ACOXL: variants seen among roughly 807,000 people sequenced by gnomAD.
ACOXL encodes the protein acyl-CoA oxidase like.
A neutral mutation model predicts 71.9 loss-of-function variants in ACOXL; 70 were observed. That is an observed-to-expected ratio of 0.97 (90% confidence interval 0.80 to 1.19). The LOEUF (loss-of-function observed/expected upper bound fraction) is 1.19, where lower values mean the gene tolerates loss of function less well. Among genes scored for constraint, ACOXL ranks in the 50% most tolerant of loss-of-function variants. The probability of loss-of-function intolerance (pLI) is 0.00; values close to 1 mark genes in which losing one functional copy is unlikely to be tolerated. For synonymous variants in ACOXL, 253 were observed against 281.6 expected (o/e 0.90, Z 1.02); for missense variants, 703 against 736.3 (o/e 0.95, Z 0.52).
intron 16 of ACOXL, among the ~76,000 whole-genome samples, chr2:111,059,947 G>A (rs1333687934): frequency 6.6e-6 from 1 of 151,830 alleles, no homozygotes; most frequent in Admixed American, 6.6e-5. Context: ...AGGAGGAAGA[G>A]GGGAAGGGGT....
chr2:110,817,241 G>A (rs1408518817), intron 9 of ACOXL, among the ~76,000 whole-genome samples: 3 of 152,222 alleles, frequency 2.0e-5, no homozygotes, highest in African/African-American at 7.2e-5. Context: ...TTCTCATTCA[G>A]TGCTCACAGC....
At chr2:110,916,916 A>G (rs1285218587) in intron 11 of ACOXL, among the ~76,000 whole-genome samples, 1 of 152,222 alleles carries the variant, frequency 6.6e-6, no homozygotes, top group African/African-American at 2.4e-5. Context: ...GCAGTAATTA[A>G]TAGCCTAGCA....
intron 16 of ACOXL, among the ~76,000 whole-genome samples, chr2:111,071,550 AGTG>A (rs2067341963): frequency 6.6e-6 from 1 of 152,248 alleles, no homozygotes; most frequent in South Asian, 2.1e-4. Flanking sequence ...GCAGATCCCA[AGTG>A]GCTAAAGTCT....
intron 16 of ACOXL, among the ~76,000 whole-genome samples, chr2:111,088,438 A>G (rs1299437684): frequency 1.3e-5 from 2 of 152,230 alleles, no homozygotes; most frequent in South Asian, 4.1e-4. Flanking sequence ...TGTGGTATAT[A>G]TACTATGCAG....
chr2:111,026,023 C>A (rs1185214830), intron 14 of ACOXL, among the ~76,000 whole-genome samples: 1 of 151,562 alleles, frequency 6.6e-6, no homozygotes, highest in Non-Finnish European at 1.5e-5. Context: ...AATTGTTTTC[C>A]CCTCATTCAA....
chr2:110,773,244 G>A (rs190876344), intron 2 of ACOXL, among the ~76,000 whole-genome samples: 36 of 152,266 alleles, frequency 2.4e-4, no homozygotes, highest in Middle Eastern at 3.4e-3. Context: ...TGTATTTGGA[G>A]AAATATCAGG....
In ACOXL at chr2:110,800,217, ATTCT is replaced by A. The variant is rs1245059213; in HGVS notation, c.547+1119_547+1122del. Among the ~76,000 whole-genome samples, 3 of 152,210 alleles carry A rather than the reference ATTCT, an allele frequency of 2.0e-5. No homozygotes were observed. In the East Asian group the frequency reaches 5.8e-4, roughly 29 times the overall value. On this transcript the variant is annotated intron_variant, in intron 7 of 17. Transcript: ENST00000439055. ...ACTCACCATGAAGGTCTGTGGCTTC[ATTCT>A]TGAAGTCAGCAAGACCACGAATCCA...
chr2:111,095,448 G>A (rs1209601082), intron 17 of ACOXL, among the ~76,000 whole-genome samples: 2 of 135,414 alleles, frequency 1.5e-5, no homozygotes, highest in Non-Finnish European at 3.0e-5. Flanking sequence ...CTGGAGTGCC[G>A]TGTCATGATC....
At chr2:110,980,619 T>G (rs2062665271) in intron 12 of ACOXL, among the ~76,000 whole-genome samples, 2 of 152,212 alleles carry the variant, frequency 1.3e-5, no homozygotes, top group South Asian at 4.1e-4. Context: ...GTGGCTCATC[T>G]GGCAGCCTGC....
At chr2:110,939,787 A>G (rs183159738) in intron 12 of ACOXL, among the ~76,000 whole-genome samples, 4 of 152,246 alleles carry the variant, frequency 2.6e-5, no homozygotes, top group Non-Finnish European at 5.9e-5. Flanking sequence ...TTTTTTTGCA[A>G]TTTTTAAAAT....
chr2:110,942,488 A>G lies in ACOXL; in HGVS notation c.1059+8846A>G, dbSNP rs978866340. 5.9e-5 allele frequency among the ~76,000 whole-genome samples: 9 copies of G among 152,194 alleles called. No individual in the cohort carries two copies. The East Asian group carries it at 1.7e-3, about 29-fold the overall frequency. Reference sequence around the variant, plus strand: ...GAATAAATAACATCATTTCATAATGACCAGGGGCCTGTTCCTCAGGAGGAT... The same window carrying G: ...GAATAAATAACATCATTTCATAATGGCCAGGGGCCTGTTCCTCAGGAGGAT... On this transcript the variant is annotated intron_variant, in intron 12 of 17. Coordinates refer to ENST00000439055, the MANE Select transcript of ACOXL (RefSeq NM_001142807.4).
chr2:110,823,048 T>C (rs540990135), intron 9 of ACOXL, among the ~76,000 whole-genome samples: 1 of 152,228 alleles, frequency 6.6e-6, no homozygotes, highest in East Asian at 1.9e-4. Context: ...AGGTCAGTAG[T>C]TCGAGACCAG....
intron 12 of ACOXL, chr2:110,967,936 T>C: frequency 1.1e-6 from 1 of 942,628 alleles, no homozygotes; most frequent in Non-Finnish European, 1.7e-6. Flanking sequence ...TGCTCGGAAA[T>C]ACTTGGAGAT....
At chr2:110,894,198 C>G (rs2058908385) in intron 10 of ACOXL, among the ~76,000 whole-genome samples, 1 of 151,980 alleles carries the variant, frequency 6.6e-6, no homozygotes, top group African/African-American at 2.4e-5. Flanking sequence ...ATAAATAGAA[C>G]AGATCTAAGA....
At chr2:110,975,323 T>G (rs1240453208) in intron 12 of ACOXL, among the ~76,000 whole-genome samples, 1 of 152,206 alleles carries the variant, frequency 6.6e-6, no homozygotes, top group African/African-American at 2.4e-5. Context: ...ACAATAAATG[T>G]CTGGGCACAC....
intron 17 of ACOXL, among the ~76,000 whole-genome samples, chr2:111,097,146 T>C (rs1229855686): frequency 6.6e-6 from 1 of 152,210 alleles, no homozygotes; most frequent in African/African-American, 2.4e-5. Flanking sequence ...AAATTTTGGC[T>C]TTATTGTTTT....
intron 13 of ACOXL, among the ~76,000 whole-genome samples, chr2:110,988,158 C>T (rs2063015228): frequency 6.6e-6 from 1 of 152,194 alleles, no homozygotes; most frequent in African/African-American, 2.4e-5. Context: ...TTGATTTCAG[C>T]CAGACATGGT....
At chr2:110,927,341 TG>T (rs796318356) in intron 11 of ACOXL, among the ~76,000 whole-genome samples, 17 of 152,266 alleles carry the variant, frequency 1.1e-4, no homozygotes, top group African/African-American at 4.1e-4. Context: ...AACCAAATCA[TG>T]GGTCAAGCTC....
rs1016688908 is a variant in ACOXL at position 110,807,680 on chromosome 2, A to AC, written c.753+2288dup. Among the ~76,000 whole-genome samples the AC allele has an allele frequency of 9.9e-5, 15 of 152,228 alleles. 1 individual carries two copies. The highest frequency in any genetic ancestry group is 3.6e-4 in the African/African-American group (15 of 41,536). On this transcript the variant is annotated intron_variant, in intron 9 of 17. Coordinates refer to ENST00000439055, the MANE Select transcript of ACOXL (RefSeq NM_001142807.4). ...GGTCCAGGCACCCTGCCGGACAGTGACCCGGGCCGCTGTGATCTCATCTCC... is the reference window on the plus strand; with the variant it reads ...GGTCCAGGCACCCTGCCGGACAGTGACCCCGGGCCGCTGTGATCTCATCTCC...
Sources: gnomAD v4.1 joint callset for allele counts (sites outside exome capture counted in the v4.1 genomes callset) on GRCh38, gnomAD v4.1.1 for gene constraint, MANE v1.5 for transcripts, NCBI Gene and HGNC (gene_info 2026-07-23, HGNC 2026-07-21) for gene names.